ECEL1: variants seen among roughly 807,000 people sequenced by gnomAD.
ECEL1 encodes endothelin-converting enzyme-like 1.
ECEL1 carries 87 observed loss-of-function variants against 101.8 expected under a neutral mutation model. The ratio of observed to expected loss-of-function variants is 0.85; its 90% CI spans 0.72 to 1.02. The LOEUF (loss-of-function observed/expected upper bound fraction) is 1.02. Ranked by LOEUF, ECEL1 falls within the 50% of genes least tolerant of loss-of-function variation. The pLI, the probability that ECEL1 is intolerant of heterozygous loss-of-function variation, is 0.00. For synonymous variants in ECEL1, 487 were observed against 468.7 expected (o/e 1.04, Z -0.50); for missense variants, 1,032 against 1,079.2 (o/e 0.96, Z 0.61).
At chr2:232,484,427 G>A in intron 6 of ECEL1, 45 bp downstream of exon 6, 3 of 1,608,410 alleles carry the variant, frequency 1.9e-6, no homozygotes, top group Non-Finnish European at 2.6e-6. Context: ...GCAGGGGAAG[G>A]ACCTAGTGAC....
At chr2:232,481,023 C>T (rs1690563525) in intron 15 of ECEL1, 68 bp downstream of exon 15, 1 of 1,536,888 alleles carries the variant, frequency 6.5e-7, no homozygotes, top group South Asian at 1.2e-5. Flanking sequence ...AGCTCTGTCC[C>T]TCATCTGGAG....
In ECEL1 at chr2:232,480,528, C is replaced by T. The variant is rs2573247; in HGVS notation, c.2152-53G>A. 47 of 1,604,074 alleles carry T rather than the reference C, an allele frequency of 2.9e-5. No homozygotes were observed. In the African/African-American group the frequency reaches 3.7e-4, roughly 13 times the overall value. On this transcript the variant is annotated intron_variant, in intron 16 of 17. Coordinates refer to ENST00000304546, the MANE Select transcript of ECEL1 (RefSeq NM_004826.4). The stretch of plus-strand genomic sequence containing the variant: ...GGAGGGGGAGATGAAGCCAGGCATC[C>T]GCCCCCTTGCCCCCCACCCAGCACA...
intron 7 of ECEL1, 42 bp from the exon 8 acceptor site, chr2:232,483,556 C>T: frequency 6.5e-7 from 1 of 1,546,964 alleles, no homozygotes; most frequent in East Asian, 2.3e-5. Context: ...AACCCAGCAG[C>T]CTGGTCTATC....
In ECEL1 at chr2:232,484,473, G is replaced by C. The variant is rs1435057086; in HGVS notation, c.1183C>G (p.Arg395Gly). 5.0e-6 allele frequency: 8 copies of C among 1,613,618 alleles called. No homozygotes were observed. The highest frequency in any genetic ancestry group is 6.8e-6 in the Non-Finnish European group (8 of 1,179,808). The change falls in exon 6 of 18, where the codon CGG becomes GGG. Residue 395 changes from arginine (R) to glycine (G), a missense_variant and splice_region_variant. Physicochemically the swap from Arg to Gly is moderately radical, Grantham distance 125 (BLOSUM62 -2). Coordinates refer to ENST00000304546, the MANE Select transcript of ECEL1 (RefSeq NM_004826.4). ...VSQLIRSTPHRVLHNYLVWRV... is the reference protein window; with the variant it reads ...VSQLIRSTPHGVLHNYLVWRV... ...AAAATGCCAGATCTGCAGCCATACC[G>C]GTGGGGTGTGGAGCGGATGAGCTGC... is the stretch of plus-strand genomic sequence containing the variant.
chr2:232,481,860 A>G lies in ECEL1; in HGVS notation c.1797-11T>C. The G allele has an allele frequency of 6.2e-7, 1 of 1,613,768 alleles. No homozygotes were observed. The highest frequency in any genetic ancestry group is 2.2e-5 in the East Asian group (1 of 44,880). ...CCGTAGTTGAGAGACCTGGGCCCAC[A>G]GCAGCAGCATCAGGCCCTAGCCCTC... On this transcript the variant is annotated splice_polypyrimidine_tract_variant and intron_variant, in intron 12 of 17. Transcript: ENST00000304546.
chr2:232,486,099 G>A lies in ECEL1; in HGVS notation c.555C>T (p.Arg185=). ...CGATCTCGCGCATGTCGAGGCACGA[G>A]CGGAAGAAGGCGCGCACCTTGCGCT... ...AAQRKVRAFF[R]SCLDMREIER... Residue 185 remains arginine, a synonymous_variant, in exon 2 of 18, where the codon CGC becomes CGT. Coordinates refer to ENST00000304546, the MANE Select transcript of ECEL1 (RefSeq NM_004826.4). 5 of 1,591,090 alleles carry A rather than the reference G, an allele frequency of 3.1e-6. No individual in the cohort carries two copies. Among genetic ancestry groups the A allele is most frequent in the Non-Finnish European group, 4.3e-6 (5 of 1,170,354 alleles).
At chr2:232,481,880 GC>G (rs1559273526) in intron 12 of ECEL1, 31 bp from the exon 13 acceptor site, 1 of 1,612,872 alleles carries the variant, frequency 6.2e-7, no homozygotes, top group East Asian at 2.2e-5. Flanking sequence ...TCAGGCCCTA[GC>G]CCTCCACCCT....
intron 2 of ECEL1, among the ~76,000 whole-genome samples, chr2:232,485,521 C>T (rs981809323): frequency 3.3e-5 from 5 of 152,196 alleles, no homozygotes; most frequent in African/African-American, 1.2e-4. Flanking sequence ...ATTCGTAGGT[C>T]CCCCACTGAC....
rs558880443 is a variant in ECEL1, at chr2:232,486,150, G to T, written c.504C>A (p.Pro168=). Residue 168 remains proline, a synonymous_variant, in exon 2 of 18, where the codon CCC becomes CCA. Transcript: ENST00000304546. The part of the protein sequence containing the change: ...EERLRRLLAR[P]GGGPGGAAQR... Reference sequence around the variant, plus strand: ...GGGCCGCGCCGCCAGGCCCACCCCCGGGCCGCGCCAGCAGGCGCCGTAGGC... The same window carrying T: ...GGGCCGCGCCGCCAGGCCCACCCCCTGGCCGCGCCAGCAGGCGCCGTAGGC... 2.6e-6 allele frequency: 4 copies of T among 1,567,598 alleles called. No homozygotes were observed. The highest frequency in any genetic ancestry group is 3.4e-6 in the Non-Finnish European group (4 of 1,161,778).
At chr2:232,482,655 C>T (rs1230439056) in intron 10 of ECEL1, 47 bp from the exon 11 acceptor site, 13 of 1,575,818 alleles carry the variant, frequency 8.2e-6, no homozygotes, top group Non-Finnish European at 1.1e-5. Context: ...CTCCCTCCCC[C>T]GCTACCCTCA....
Position 232,480,074 on chromosome 2 carries a change from C to T in ECEL1, c.*79G>A, listed in dbSNP as rs1287465157. ...GTGGTGCCCAGAGCGGGGCTGGCACCGGGTGCATGCCTGCCCCGGTAGCCA... is the reference window on the plus strand; with the variant it reads ...GTGGTGCCCAGAGCGGGGCTGGCACTGGGTGCATGCCTGCCCCGGTAGCCA... On this transcript the variant is annotated 3_prime_UTR_variant, in exon 18 of 18. Transcript: ENST00000304546. The T allele has an allele frequency of 4.2e-6, 6 of 1,434,546 alleles. No individual in the cohort carries two copies. Among genetic ancestry groups the T allele is most frequent in the East Asian group, 2.3e-5 (1 of 43,816 alleles). 88.9% of individuals were successfully genotyped at this position (1,434,546 alleles called of 1,614,324 possible).
intron 2 of ECEL1, among the ~76,000 whole-genome samples, 166 bp from the exon 3 acceptor site, chr2:232,485,433 C>T (rs544966123): frequency 6.6e-6 from 1 of 152,370 alleles, no homozygotes; most frequent in South Asian, 2.1e-4. Context: ...ATGGCCAAAG[C>T]CCCATCCCTG....
chr2:232,481,121 T>G lies in ECEL1; in HGVS notation c.2025A>C (p.Ala675=), dbSNP rs757288957. The G allele has an allele frequency of 3.7e-5, 58 of 1,568,362 alleles. No homozygotes were observed. The Admixed American group carries it at 1.1e-3, about 29-fold the overall frequency. Reference sequence around the variant, plus strand: ...AGGCCAGCTTGAGGCCGCCCATATCTGCGATGTTCTCCCCAAGCGTGTGTT... The same window carrying G: ...AGGCCAGCTTGAGGCCGCCCATATCGGCGATGTTCTCCCCAAGCGTGTGTT... ...NGKHTLGENI[A]DMGGLKLAYH... The change falls in exon 15 of 18, where the codon GCA becomes GCC. Residue 675 remains alanine (A), a synonymous_variant. Coordinates refer to ENST00000304546, the MANE Select transcript of ECEL1 (RefSeq NM_004826.4).
Position 232,486,364 on chromosome 2 carries a change from T to A in ECEL1, c.290A>T (p.Glu97Val), listed in dbSNP as rs761748447. Residue 97 changes from glutamate to valine, a missense_variant, in exon 2 of 18, where the codon GAG becomes GTG. Coordinates refer to ENST00000304546, the MANE Select transcript of ECEL1 (RefSeq NM_004826.4). ...GAAGGCCTTGCGCTCAGGGCAGCCC[T>A]CGGGACAGGCGCCGCCGCCGGCCGC... ...PVAAGGGACP[E>V]GCPERKAFAR... is the part of the protein sequence containing the mutation. 9 of 1,509,370 alleles carry A rather than the reference T, an allele frequency of 6.0e-6. No homozygotes were observed. In the South Asian group the frequency reaches 9.9e-5, roughly 17 times the overall value. 93.5% of individuals were successfully genotyped at this position (1,509,370 alleles called of 1,614,324 possible). A position where few individuals can be genotyped will look rare whatever the true frequency, so the allele number is the denominator to read the frequency against.
chr2:232,484,699 C>A, intron 5 of ECEL1, 102 bp downstream of exon 5: 1 of 1,602,662 alleles, frequency 6.2e-7, no homozygotes, highest in Non-Finnish European at 8.5e-7. Flanking sequence ...GAGTCCATGG[C>A]CAAGGAACGG....
At position 232,486,704 on chromosome 2, in the gene ECEL1, C is replaced by A. The variant is rs779874372; in HGVS notation, c.-51G>T. ...CCTGGGCCACCTGGGCTACGGGATG[C>A]GCGTGGCCGCCGGCCTCCTCGTGGG... On this transcript the variant is annotated 5_prime_UTR_variant, in exon 2 of 18. Transcript: ENST00000304546. 1 of 1,410,946 alleles carries A rather than the reference C, an allele frequency of 7.1e-7. No individual in the cohort carries two copies. The highest frequency in any genetic ancestry group is 9.2e-7 in the Non-Finnish European group (1 of 1,088,784). The allele number at this position is 1,410,946 out of a possible 1,614,324, so 87.4% of individuals were successfully genotyped here.
rs1365760855 is a variant in ECEL1, at chr2:232,486,471, G to C, written c.183C>G (p.Cys61Trp). The stretch of plus-strand genomic sequence containing the variant: ...CGGCGAACACCAGCCCCGACAGCAG[G>C]CACACCTCGCGCCGGTTCCAGCGCG... ...GLPRWNRREV[C>W]LLSGLVFAAG... Residue 61 changes from cysteine to tryptophan, a missense_variant, in exon 2 of 18, where the codon TGC becomes TGG. By Grantham distance (215) the Cys-to-Trp change is radical (BLOSUM62 -2). Transcript: ENST00000304546. 2 of 1,438,472 alleles carry C rather than the reference G, an allele frequency of 1.4e-6. 1 individual carries two copies. The highest frequency in any genetic ancestry group is 2.8e-5 in the South Asian group (2 of 70,984). 89.1% of individuals were successfully genotyped at this position (1,438,472 alleles called of 1,614,324 possible). A position where few individuals can be genotyped will look rare whatever the true frequency, so the allele number is the denominator to read the frequency against.
rs1220054056 is a variant in ECEL1 at position 232,485,982 on chromosome 2, C to T, written c.672G>A (p.Ala224=). Residue 224 remains alanine, a synonymous_variant, in exon 2 of 18, where the codon GCG becomes GCA. Transcript: ENST00000304546. ...ACAGCAGCCGGTTGAGGTCCCATCGCGCCGCGACCCCCGGACGCTCCTCCG... is the reference window on the plus strand; with the variant it reads ...ACAGCAGCCGGTTGAGGTCCCATCGTGCCGCGACCCCCGGACGCTCCTCCG... ...GGAEERPGVA[A]RWDLNRLLYK... is the part of the protein sequence containing the mutation. The T allele has an allele frequency of 3.1e-6, 5 of 1,602,870 alleles. No homozygotes were observed. The highest frequency in any genetic ancestry group is 4.3e-6 in the Non-Finnish European group (5 of 1,176,314).
In ECEL1 at chr2:232,481,158, T is replaced by C; in HGVS notation, c.1990-2A>G. 6.4e-7 allele frequency: 1 copy of C among 1,562,590 alleles called. No individual in the cohort carries two copies. The stretch of plus-strand genomic sequence containing the variant: ...CCCAAGCGTGTGTTTCCCGTTCACC[T>C]GCCGGGAAGGGAAGAGGCCAGGGGG... On this transcript the variant is annotated splice_acceptor_variant, in intron 14 of 17. Coordinates refer to ENST00000304546, the MANE Select transcript of ECEL1 (RefSeq NM_004826.4). LOFTEE classifies it high-confidence loss of function.
Sources: allele counts gnomAD v4.1 joint callset (sites outside exome capture counted in the v4.1 genomes callset), GRCh38; gene constraint gnomAD v4.1.1; transcripts MANE v1.5; gene names NCBI Gene and HGNC (gene_info 2026-07-23, HGNC 2026-07-21).